CACNA1H: variants seen among roughly 807,000 people sequenced by gnomAD.
CACNA1H encodes calcium voltage-gated channel subunit alpha1 H.
In CACNA1H, 149 loss-of-function variants were observed where a neutral mutation model predicts 192.5. The ratio of observed to expected loss-of-function variants is 0.77; its 90% CI spans 0.68 to 0.89. The LOEUF (loss-of-function observed/expected upper bound fraction) is 0.89, where lower values mean the gene tolerates loss of function less well. CACNA1H is among the 40% of genes least tolerant of loss of function. The pLI is 0.00. For synonymous variants in CACNA1H, 2,202 were observed against 1,475.2 expected (o/e 1.49, Z -11.29); for missense variants, 4,257 against 3,423.5 (o/e 1.24, Z -6.08).
chr16:1,171,296 G>C (rs570253997), intron 2 of CACNA1H, among the ~76,000 whole-genome samples: 1 of 152,192 alleles, frequency 6.6e-6, no homozygotes, highest in Non-Finnish European at 1.5e-5. Context: ...CGTCTGGGGG[G>C]ATCGTGGGGC....
At chr16:1,214,920 G>A (rs1233098449) in intron 27 of CACNA1H, 52 bp from the exon 28 acceptor site, 6 of 1,370,736 alleles carry the variant, frequency 4.4e-6, no homozygotes, top group Admixed American at 1.9e-5. Flanking sequence ...GAGCCAGGGG[G>A]AAGAGGGGTG....
In CACNA1H at chr16:1,162,827, A is replaced by T. The variant is rs368187036; in HGVS notation, c.299+8791A>T. Among the ~76,000 whole-genome samples, 10 of 152,236 alleles carry T rather than the reference A, an allele frequency of 6.6e-5. No homozygotes were observed. The East Asian group carries it at 1.7e-3, about 26-fold the overall frequency. ...GCTGTGGCGTGAAGGCCGAGGGAGT[A>T]TGAGCAGGGGGTGGGATAGTCCCAG... On this transcript the variant is annotated intron_variant, in intron 2 of 34. Coordinates refer to ENST00000348261, the MANE Select transcript of CACNA1H (RefSeq NM_021098.3).
At position 1,188,026 on chromosome 16, in the gene CACNA1H, A is replaced by G. The variant is rs115362549; in HGVS notation, c.300-6946A>G. On this transcript the variant is annotated intron_variant, in intron 2 of 34. Transcript: ENST00000348261. ...CTTGTTTTGCAGGAAGGTCTGCATAAAACCTGTCAGCGCCAGAAAGATGAA... is the reference window on the plus strand; with the variant it reads ...CTTGTTTTGCAGGAAGGTCTGCATAGAACCTGTCAGCGCCAGAAAGATGAA... Among the ~76,000 whole-genome samples, 888 of 152,328 alleles carry G rather than the reference A, an allele frequency of 5.8e-3. 10 individuals are homozygous for G. The highest frequency in any genetic ancestry group is 0.019 in the African/African-American group (785 of 41,580).
At chr16:1,216,581 G>A (rs1184852947) in intron 30 of CACNA1H, among the ~76,000 whole-genome samples, 1 of 152,268 alleles carries the variant, frequency 6.6e-6, no homozygotes, top group African/African-American at 2.4e-5. Context: ...GAGCCCCCAG[G>A]AAGAGCATGC....
chr16:1,174,524 G>A (rs968740743), intron 2 of CACNA1H, among the ~76,000 whole-genome samples: 1 of 151,848 alleles, frequency 6.6e-6, no homozygotes, highest in African/African-American at 2.4e-5. Context: ...GGGAGGGAGG[G>A]AGGGAAGGAA....
At chr16:1,156,790 A>G (rs1033158301) in intron 2 of CACNA1H, among the ~76,000 whole-genome samples, 6 of 151,938 alleles carry the variant, frequency 3.9e-5, no homozygotes, top group Non-Finnish European at 7.4e-5. Flanking sequence ...CAGCACAGGA[A>G]CCTGGGGGAG....
rs1042316036 is a variant in CACNA1H, at chr16:1,206,860, G to A, written c.2790-141G>A. 17 of 591,414 alleles carry A rather than the reference G, an allele frequency of 2.9e-5. No homozygotes were observed. The East Asian group carries it at 4.7e-4, about 16-fold the overall frequency. 36.6% of individuals were successfully genotyped at this position (591,414 alleles called of 1,614,324 possible). A position where few individuals can be genotyped will look rare whatever the true frequency, so the allele number is the denominator to read the frequency against. ...AAGCTAGAGAGCTCGGGCGCCCAGG[G>A]AGGGTAGGAGGCCAGGAGAGCCAAG... is the stretch of plus-strand genomic sequence containing the variant. On this transcript the variant is annotated intron_variant, in intron 12 of 34. Coordinates refer to ENST00000348261, the MANE Select transcript of CACNA1H (RefSeq NM_021098.3).
chr16:1,218,940 G>A (rs755658690), intron 33 of CACNA1H, 30 bp from the exon 34 acceptor site: 12 of 1,547,982 alleles, frequency 7.8e-6, no homozygotes, highest in Non-Finnish European at 4.4e-6. Flanking sequence ...CAGGGGCAGA[G>A]CTGCCAGCTT....
chr16:1,185,381 C>T (rs1965884342), intron 2 of CACNA1H, among the ~76,000 whole-genome samples: 1 of 152,002 alleles, frequency 6.6e-6, no homozygotes. Context: ...GCGTTCATAG[C>T]CTCACCCACC....
At chr16:1,159,452 G>GC (rs2151639394) in intron 2 of CACNA1H, 1 of 152,696 alleles carries the variant, frequency 6.5e-6, no homozygotes, top group East Asian at 1.9e-4. Context: ...GGCAGGGTGG[G>GC]CCGTGGGGAG....
In CACNA1H at chr16:1,211,498, C is replaced by G; in HGVS notation, c.4368C>G (p.Phe1456Leu). 3 of 1,612,468 alleles carry G rather than the reference C, an allele frequency of 1.9e-6. No homozygotes were observed. Among genetic ancestry groups the G allele is most frequent in the Non-Finnish European group, 2.5e-6 (3 of 1,179,712 alleles). Residue 1456 changes from phenylalanine to leucine, a missense_variant, in exon 23 of 35, where the codon TTC becomes TTG. Coordinates refer to ENST00000348261, the MANE Select transcript of CACNA1H (RefSeq NM_021098.3). ...CCCGTCAGCTCTTCAAAGGGAAGTT[C>G]TACTACTGCGAGGGCCCCGACACCA... ...ILGVQLFKGK[F>L]YYCEGPDTRN...
chr16:1,209,348 A>T lies in CACNA1H; in HGVS notation c.3680A>T (p.Asp1227Val). Residue 1227 changes from aspartate (D) to valine (V), a missense_variant, in exon 17 of 35, where the codon GAC becomes GTC. Physicochemically the swap from Asp to Val is radical, Grantham distance 152. Transcript: ENST00000348261. Reference sequence around the variant, plus strand: ...GGGCAGGTGGTGGCCCTGCCCAGCGACTTCTTCCTGCGCATCGACAGCCAC... The same window carrying T: ...GGGCAGGTGGTGGCCCTGCCCAGCGTCTTCTTCCTGCGCATCGACAGCCAC... Reference protein sequence around the residue: ...RDGQVVALPSDFFLRIDSHRE... With the variant: ...RDGQVVALPSVFFLRIDSHRE... The T allele has an allele frequency of 6.3e-7, 1 of 1,597,914 alleles. No individual in the cohort carries two copies. The highest frequency in any genetic ancestry group is 8.5e-7 in the Non-Finnish European group (1 of 1,179,522).
At chr16:1,182,009 T>C (rs1160758741) in intron 2 of CACNA1H, among the ~76,000 whole-genome samples, 2 of 152,174 alleles carry the variant, frequency 1.3e-5, no homozygotes, top group Admixed American at 6.5e-5. Flanking sequence ...TGCCTGTCCC[T>C]GGCTGCTGTG....
Position 1,207,313 on chromosome 16 carries a change from C to T in CACNA1H, c.2946C>T (p.Asn982=), listed in dbSNP as rs368824465. ...AGGACTGGAACGTGGTCCTGTACAACGGCATGGCCTCCACCTCCTCCTGGG... is the reference window on the plus strand; with the variant it reads ...AGGACTGGAACGTGGTCCTGTACAATGGCATGGCCTCCACCTCCTCCTGGG... ...TQEDWNVVLY[N]GMASTSSWAA... Residue 982 remains asparagine (N), a synonymous_variant, in exon 14 of 35, where the codon AAC becomes AAT. Coordinates refer to ENST00000348261, the MANE Select transcript of CACNA1H (RefSeq NM_021098.3). 9.9e-6 allele frequency: 16 copies of T among 1,610,748 alleles called. No individual in the cohort carries two copies. Among genetic ancestry groups the T allele is most frequent in the Admixed American group, 3.4e-5 (2 of 59,648 alleles).
At position 1,221,397 on chromosome 16, in the gene CACNA1H, T is replaced by TC; in HGVS notation, c.*403_*404insC. 3.3e-6 allele frequency: 1 copy of TC among 303,238 alleles called. No individual in the cohort carries two copies. Among genetic ancestry groups the TC allele is most frequent in the South Asian group, 6.2e-5 (1 of 16,004 alleles). 18.8% of individuals were successfully genotyped at this position (303,238 alleles called of 1,614,324 possible). ...GCCCTGTGCCCTTGCCGGCGGCAGG[T>TC]TGCAGCCACCGCGGCCCAATGTCAC... On this transcript the variant is annotated 3_prime_UTR_variant, in exon 35 of 35. Coordinates refer to ENST00000348261, the MANE Select transcript of CACNA1H (RefSeq NM_021098.3).
chr16:1,190,882 C>T (rs1186866307), intron 2 of CACNA1H, among the ~76,000 whole-genome samples: 3 of 151,258 alleles, frequency 2.0e-5, no homozygotes, highest in Non-Finnish European at 3.0e-5. Context: ...GTCTCTCTGA[C>T]CCAGCAGGCT....
In CACNA1H at chr16:1,198,762, G is replaced by A; in HGVS notation, c.791G>A (p.Ser264Asn). 1 of 1,611,496 alleles carries A rather than the reference G, an allele frequency of 6.2e-7. No individual in the cohort carries two copies. Among genetic ancestry groups the A allele is most frequent in the Non-Finnish European group, 8.5e-7 (1 of 1,179,244 alleles). Residue 264 changes from serine (S) to asparagine (N), a missense_variant, in exon 6 of 35, where the codon AGT becomes AAT. Coordinates refer to ENST00000348261, the MANE Select transcript of CACNA1H (RefSeq NM_021098.3). ...CTGCGGAACCGCTGCTTCCTGGACAGTGCCTTTGTCAGGTGCCCAGGCCCC... is the reference window on the plus strand; with the variant it reads ...CTGCGGAACCGCTGCTTCCTGGACAATGCCTTTGTCAGGTGCCCAGGCCCC... ...GLLRNRCFLD[S>N]AFVRNNNLTF...
chr16:1,200,247 C>A lies in CACNA1H; in HGVS notation c.804-9C>A. 1 of 1,588,592 alleles carries A rather than the reference C, an allele frequency of 6.3e-7. No homozygotes were observed. The highest frequency in any genetic ancestry group is 1.1e-5 in the South Asian group (1 of 87,820). On this transcript the variant is annotated splice_polypyrimidine_tract_variant and intron_variant, in intron 6 of 34. Coordinates refer to ENST00000348261, the MANE Select transcript of CACNA1H (RefSeq NM_021098.3). ...TGTACCTTTTGGCCCTGGCTGTGCC[C>A]ATCCCCAGGAACAACAACCTGACCT... is the stretch of plus-strand genomic sequence containing the variant.
At position 1,204,398 on chromosome 16, in the gene CACNA1H, T is replaced by G; in HGVS notation, c.2391T>G (p.Arg797=). 2.6e-6 allele frequency: 4 copies of G among 1,556,714 alleles called. No homozygotes were observed. The highest frequency in any genetic ancestry group is 3.5e-6 in the Non-Finnish European group (4 of 1,152,282). ...TCGTGGACAGCAAGTACTTCAGCCG[T>G]GGCATCATGATGGCCATCCTTGTCA... ...RRIVDSKYFS[R]GIMMAILVNT... is the part of the protein sequence containing the mutation. Residue 797 remains arginine, a synonymous_variant, in exon 10 of 35, where the codon CGT becomes CGG. Coordinates refer to ENST00000348261, the MANE Select transcript of CACNA1H (RefSeq NM_021098.3).
Sources: gnomAD v4.1 joint callset for allele counts (sites outside exome capture counted in the v4.1 genomes callset) on GRCh38, gnomAD v4.1.1 for gene constraint, MANE v1.5 for transcripts, NCBI Gene and HGNC (gene_info 2026-07-23, HGNC 2026-07-21) for gene names.